Variants in ODF2L observed in about 807,000 individuals in gnomAD.
ODF2L encodes the protein protein BCAP.
ODF2L carries 76 observed loss-of-function variants against 86.3 expected under a neutral mutation model. The ratio of observed to expected loss-of-function variants is 0.88; its 90% CI spans 0.73 to 1.07. The LOEUF is 1.07. ODF2L is among the 50% of genes least tolerant of loss of function. The probability of loss-of-function intolerance (pLI) is 0.00; values close to 1 mark genes in which losing one functional copy is unlikely to be tolerated. For missense variants in ODF2L, 748 were observed against 717.4 expected, an observed-to-expected ratio of 1.04 and a Z score of -0.49; for synonymous variants, 241 against 231.3, an observed-to-expected ratio of 1.04 and a Z score of -0.38.
At chr1:86,367,660 G>A (rs1223913488) in intron 11 of ODF2L, among the ~76,000 whole-genome samples, 1 of 151,744 alleles carries the variant, frequency 6.6e-6, no homozygotes, top group Non-Finnish European at 1.5e-5. Context: ...TTTAAAAGTT[G>A]TACAAGAAAA....
chr1:86,356,629 T>C, intron 13 of ODF2L, 27 bp from the exon 13 acceptor site: 1 of 1,594,882 alleles, frequency 6.3e-7, no homozygotes, highest in Non-Finnish European at 8.6e-7. Context: ...GGGAAATAAG[T>C]GCAAGATCAC....
rs192909787 is a variant in ODF2L at position 86,382,480 on chromosome 1, T to C, written c.508-122A>G. 2.2e-4 allele frequency: 334 copies of C among 1,487,298 alleles called. No individual in the cohort carries two copies. In the African/African-American group the frequency reaches 4.5e-3, roughly 20 times the overall value. The allele number at this position is 1,487,298 out of a possible 1,614,324, so 92.1% of individuals were successfully genotyped here. A position where few individuals can be genotyped will look rare whatever the true frequency, so the allele number is the denominator to read the frequency against. Reference sequence around the variant, plus strand: ...AAACAGCTGATAAAAAGCAAAGCACTACTTTACATAAACTGCCGCCCCTAT... The same window carrying C: ...AAACAGCTGATAAAAAGCAAAGCACCACTTTACATAAACTGCCGCCCCTAT... On this transcript the variant is annotated intron_variant, in intron 6 of 17. Transcript: ENST00000317336.
At chr1:86,378,637 GA>G (rs769400398) in intron 7 of ODF2L, among the ~76,000 whole-genome samples, 3 of 152,104 alleles carry the variant, frequency 2.0e-5, no homozygotes, top group Non-Finnish European at 4.4e-5. Context: ...GGGAAGCAGG[GA>G]CCTTCTTCAC....
At chr1:86,376,160 G>A (rs1014761059) in intron 8 of ODF2L, 73 bp downstream of exon 8, 31 of 755,774 alleles carry the variant, frequency 4.1e-5, no homozygotes, top group Non-Finnish European at 6.2e-5. Context: ...ACTATATTAA[G>A]CATCATGATA....
At chr1:86,380,854 G>C (rs1049343451) in intron 7 of ODF2L, among the ~76,000 whole-genome samples, 4 of 151,704 alleles carry the variant, frequency 2.6e-5, no homozygotes, top group African/African-American at 4.8e-5. Flanking sequence ...TGTTCCCAGA[G>C]GTTTATAATG....
chr1:86,347,285 A>T (rs1657853296), downstream of ODF2L: 1 of 152,208 alleles, frequency 6.6e-6, no homozygotes, highest in African/African-American at 2.4e-5. Flanking sequence ...GAGTGCCCAG[A>T]TATTTATATG....
chr1:86,391,865 A>G (rs1448814670), intron 1 of ODF2L, among the ~76,000 whole-genome samples: 2 of 152,226 alleles, frequency 1.3e-5, no homozygotes, highest in Non-Finnish European at 2.9e-5. Context: ...TAATTAAACT[A>G]AAGAGCTTTT....
At chr1:86,393,619 C>T (rs1661491875) in intron 1 of ODF2L, among the ~76,000 whole-genome samples, 1 of 152,180 alleles carries the variant, frequency 6.6e-6, no homozygotes, top group African/African-American at 2.4e-5. Flanking sequence ...GTTCTGTAAA[C>T]ACGGCATGTA....
At chr1:86,360,322 G>C (rs2100843291) in intron 12 of ODF2L, 104 bp downstream of exon 11, 1 of 574,354 alleles carries the variant, frequency 1.7e-6, no homozygotes, top group East Asian at 3.0e-5. Flanking sequence ...AACCCACAAT[G>C]ATAGCCCCAC....
At chr1:86,358,918 A>G in intron 12 of ODF2L, 27 bp from the exon 12 acceptor site, 1 of 1,098,222 alleles carries the variant, frequency 9.1e-7, no homozygotes, top group Non-Finnish European at 1.3e-6. Context: ...AGAGAAACAT[A>G]TTATTTTTAG....
chr1:86,375,357 C>T (rs1286241844), intron 8 of ODF2L, among the ~76,000 whole-genome samples: 2 of 151,968 alleles, frequency 1.3e-5, no homozygotes, highest in Non-Finnish European at 2.9e-5. Flanking sequence ...ATTATGATGC[C>T]CTATTTTATA....
At chr1:86,361,951 A>C (rs996928006) in intron 11 of ODF2L, among the ~76,000 whole-genome samples, 25 of 152,214 alleles carry the variant, frequency 1.6e-4, no homozygotes, top group Non-Finnish European at 2.8e-4. Flanking sequence ...ACAAGCAGTA[A>C]AATACATCAA....
At chr1:86,395,375 G>C (rs56841249) in intron 1 of ODF2L, among the ~76,000 whole-genome samples, 1 of 152,038 alleles carries the variant, frequency 6.6e-6, no homozygotes, top group Non-Finnish European at 1.5e-5. Context: ...ACTTAATCTC[G>C]TATTACAACC....
chr1:86,365,018 T>A (rs1659304873), intron 11 of ODF2L, among the ~76,000 whole-genome samples: 2 of 152,196 alleles, frequency 1.3e-5, no homozygotes, highest in Non-Finnish European at 2.9e-5. Context: ...AAACTTTACA[T>A]AACTTAAAAT....
At chr1:86,376,505 G>C (rs759579726) in intron 7 of ODF2L, 87 bp from the exon 8 acceptor site, 1 of 785,864 alleles carries the variant, frequency 1.3e-6, no homozygotes, top group Non-Finnish European at 2.0e-6. Flanking sequence ...AACTGATATG[G>C]TTTGTGTATT....
Position 86,360,554 on chromosome 1 carries a change from GA to G in ODF2L, c.1144-19del. 2 of 1,156,250 alleles carry G rather than the reference GA, an allele frequency of 1.7e-6. No homozygotes were observed. The highest frequency in any genetic ancestry group is 2.7e-5 in the South Asian group (2 of 75,280). The allele number at this position is 1,156,250 out of a possible 1,614,324, so 71.6% of individuals were successfully genotyped here. On this transcript the variant is annotated intron_variant, in intron 11 of 17. Transcript: ENST00000317336. ...AGTGTAGTCTAGCAAAAAAGATATA[GA>G]TTTTATAAGTCATTAGAATACATTT...
At chr1:86,356,370 G>A (rs1272443374) in intron 14 of ODF2L, 74 bp downstream of exon 13, 6 of 1,218,222 alleles carry the variant, frequency 4.9e-6, no homozygotes, top group Middle Eastern at 5.1e-4. Flanking sequence ...TGACATGAGT[G>A]CCCTCAACTG....
At chr1:86,377,477 G>A (rs1283051373) in intron 7 of ODF2L, among the ~76,000 whole-genome samples, 1 of 152,158 alleles carries the variant, frequency 6.6e-6, no homozygotes, top group African/African-American at 2.4e-5. Context: ...TCTATGTGGG[G>A]TCTCCAACCC....
chr1:86,374,022 A>G (rs954720260), intron 8 of ODF2L, among the ~76,000 whole-genome samples: 10 of 152,228 alleles, frequency 6.6e-5, no homozygotes, highest in African/African-American at 2.4e-4. Context: ...TCCGCTCTAC[A>G]TTCTACATAA....
Sources: allele counts gnomAD v4.1 joint callset (sites outside exome capture counted in the v4.1 genomes callset), GRCh38; gene constraint gnomAD v4.1.1; transcripts MANE v1.5; gene names NCBI Gene and HGNC (gene_info 2026-07-23, HGNC 2026-07-21).